WWOX: variants seen among roughly 807,000 people sequenced by gnomAD.
WWOX encodes the protein WW domain-containing oxidoreductase.
In WWOX, 69 loss-of-function variants were observed where a neutral mutation model predicts 46.2. The ratio of observed to expected loss-of-function variants is 1.49; its 90% CI spans 1.23 to 1.82. WWOX has a LOEUF of 1.82. WWOX is among the 40% of genes most tolerant of loss of function. The pLI is 0.00. For synonymous variants in WWOX, 359 were observed against 202.6 expected, an observed-to-expected ratio of 1.77 and a Z score of -6.56; for missense variants, 919 against 542.6, an observed-to-expected ratio of 1.69 and a Z score of -6.89.
intron 5 of WWOX, among the ~76,000 whole-genome samples, chr16:78,361,327 TG>T (rs1347358575): frequency 2.0e-5 from 3 of 152,342 alleles, no homozygotes; most frequent in African/African-American, 7.2e-5. Context: ...ATGTTAACCT[TG>T]ATCACTTGGT....
Position 78,914,878 on chromosome 16 carries a change from C to CA in WWOX, c.1057-296729dup, listed in dbSNP as rs1213942556. Among the ~76,000 whole-genome samples the CA allele has an allele frequency of 2.3e-3, 149 of 65,514 alleles. 1 individual carries two copies. Among genetic ancestry groups the CA allele is most frequent in the Non-Finnish European group, 2.6e-3 (95 of 36,536 alleles). 43.0% of individuals were successfully genotyped at this position (65,514 alleles called of 152,430 possible). ...CGGGTGACAGAGCGAGACTCCGCCT[C>CA]AGAAAAAAAAAAAAAAAAAAAAAAA... On this transcript the variant is annotated intron_variant, in intron 8 of 8. Coordinates refer to ENST00000566780, the MANE Select transcript of WWOX (RefSeq NM_016373.4).
intron 8 of WWOX, among the ~76,000 whole-genome samples, chr16:78,845,838 G>C (rs911144395): frequency 2.0e-5 from 3 of 152,226 alleles, no homozygotes; most frequent in Non-Finnish European, 2.9e-5. Context: ...GGAGCTGAGA[G>C]TGAATATGAG....
At chr16:79,064,032 GA>G (rs2048399774) in intron 8 of WWOX, among the ~76,000 whole-genome samples, 1 of 152,218 alleles carries the variant, frequency 6.6e-6, no homozygotes, top group East Asian at 1.9e-4. Flanking sequence ...TTGTATTTTA[GA>G]AGCCTCAGAA....
chr16:78,243,156 T>A (rs926062522), intron 5 of WWOX, among the ~76,000 whole-genome samples: 2 of 152,208 alleles, frequency 1.3e-5, no homozygotes, highest in Non-Finnish European at 2.9e-5. Context: ...CTTTGTTTTG[T>A]TTTTGAAATA....
chr16:78,434,913 C>G (rs563761784), intron 8 of WWOX, among the ~76,000 whole-genome samples: 169 of 152,214 alleles, frequency 1.1e-3, no homozygotes, highest in African/African-American at 4.0e-3. Context: ...AGAAGGAAGG[C>G]AAGTTCTGCT....
intron 5 of WWOX, among the ~76,000 whole-genome samples, chr16:78,272,294 G>T (rs530630237): frequency 6.6e-6 from 1 of 152,074 alleles, no homozygotes; most frequent in Non-Finnish European, 1.5e-5. Flanking sequence ...AGGATGACTG[G>T]GATGCTTGGC....
Position 78,300,000 on chromosome 16 carries a change from G to A in WWOX, c.517-86860G>A, listed in dbSNP as rs117694771. ...GCTTGGCCGCAGTGTTGGTTCATCTGTAACAGCTGCCTACAAGGGAATCTT... is the reference window on the plus strand; with the variant it reads ...GCTTGGCCGCAGTGTTGGTTCATCTATAACAGCTGCCTACAAGGGAATCTT... On this transcript the variant is annotated intron_variant, in intron 5 of 8. Coordinates refer to ENST00000566780, the MANE Select transcript of WWOX (RefSeq NM_016373.4). Among the ~76,000 whole-genome samples, 248 of 152,268 alleles carry A rather than the reference G, an allele frequency of 1.6e-3. 1 individual carries two copies. Among genetic ancestry groups the A allele is most frequent in the Middle Eastern group, 6.8e-3 (2 of 294 alleles).
At chr16:79,166,075 C>G (rs778600516) in intron 8 of WWOX, among the ~76,000 whole-genome samples, 1 of 152,212 alleles carries the variant, frequency 6.6e-6, no homozygotes, top group African/African-American at 2.4e-5. Flanking sequence ...GCAGCATAGA[C>G]CAGCTTTACC....
chr16:79,160,489 T>C (rs1174109961), intron 8 of WWOX, among the ~76,000 whole-genome samples: 1 of 152,196 alleles, frequency 6.6e-6, no homozygotes, highest in East Asian at 1.9e-4. Flanking sequence ...TAAGAGCCGA[T>C]CATAGGACTG....
chr16:78,878,538 A>C (rs1475481081), intron 8 of WWOX, among the ~76,000 whole-genome samples: 1 of 152,212 alleles, frequency 6.6e-6, no homozygotes, highest in Non-Finnish European at 1.5e-5. Flanking sequence ...GCACATTGGC[A>C]CTTAATAAAT....
chr16:78,582,832 T>C (rs1431820854), intron 8 of WWOX, among the ~76,000 whole-genome samples: 1 of 152,142 alleles, frequency 6.6e-6, no homozygotes, highest in Non-Finnish European at 1.5e-5. Context: ...ACCTGGTATG[T>C]CTTATGTCAG....
chr16:78,932,150 G>T lies in WWOX; in HGVS notation c.1057-279458G>T, dbSNP rs1407151743. Among the ~76,000 whole-genome samples, 3 of 152,170 alleles carry T rather than the reference G, an allele frequency of 2.0e-5. No individual in the cohort carries two copies. The East Asian group carries it at 5.8e-4, about 29-fold the overall frequency. ...ATGAGAACAAACTAATACACCACTT[G>T]AATTGCTGGTACGTCTGAGGGGCTT... On this transcript the variant is annotated intron_variant, in intron 8 of 8. Transcript: ENST00000566780.
rs1478232622 is a variant in WWOX at position 79,129,365 on chromosome 16, A to C, written c.1057-82243A>C. On this transcript the variant is annotated intron_variant, in intron 8 of 8. Coordinates refer to ENST00000566780, the MANE Select transcript of WWOX (RefSeq NM_016373.4). ...TAGTCACACACCTCTCAGTGCCTTA[A>C]AATTTGTTATGATGCAGTCTATCTC... Among the ~76,000 whole-genome samples the C allele has an allele frequency of 2.0e-5, 3 of 148,984 alleles. No homozygotes were observed. In the East Asian group the frequency reaches 5.9e-4, roughly 29 times the overall value.
chr16:78,547,053 G>A (rs2044050401), intron 8 of WWOX, among the ~76,000 whole-genome samples: 1 of 149,908 alleles, frequency 6.7e-6, no homozygotes, highest in Non-Finnish European at 1.5e-5. Context: ...GCTTGAGCCT[G>A]GGAGGTCAAA....
chr16:78,462,000 A>G (rs1012096086), intron 8 of WWOX, among the ~76,000 whole-genome samples: 3 of 152,236 alleles, frequency 2.0e-5, no homozygotes, highest in African/African-American at 7.2e-5. Flanking sequence ...TTTTGCTACA[A>G]TTAAACTCCT....
Position 78,254,502 on chromosome 16 carries a change from G to GTTTTTT in WWOX, c.516+90225_516+90230dup, listed in dbSNP as rs59706959. Among the ~76,000 whole-genome samples the GTTTTTT allele has an allele frequency of 2.2e-3, 198 of 91,642 alleles. 7 individuals are homozygous for GTTTTTT. The highest frequency in any genetic ancestry group is 0.021 in the Middle Eastern group (2 of 94). The allele number at this position is 91,642 out of a possible 152,430, so 60.1% of individuals were successfully genotyped here. On this transcript the variant is annotated intron_variant, in intron 5 of 8. Coordinates refer to ENST00000566780, the MANE Select transcript of WWOX (RefSeq NM_016373.4). ...CACTTTTCTTTTTCTTTTCTTTCTT[G>GTTTTTT]TTTTTTTTTTTTTTTTTGTTTGACA...
chr16:78,814,818 C>G (rs894888614), intron 8 of WWOX, among the ~76,000 whole-genome samples: 3 of 152,222 alleles, frequency 2.0e-5, no homozygotes, highest in South Asian at 2.1e-4. Context: ...GTTGTCCCCA[C>G]TAGTCCTGTC....
In WWOX at chr16:78,367,402, TA is replaced by T. The variant is rs1233330520; in HGVS notation, c.517-19457del. Among the ~76,000 whole-genome samples the T allele has an allele frequency of 1.8e-4, 9 of 51,084 alleles. No individual in the cohort carries two copies. The East Asian group carries it at 2.8e-3, about 16-fold the overall frequency. 33.5% of individuals were successfully genotyped at this position (51,084 alleles called of 152,430 possible). A position where few individuals can be genotyped will look rare whatever the true frequency, so the allele number is the denominator to read the frequency against. On this transcript the variant is annotated intron_variant, in intron 5 of 8. Transcript: ENST00000566780. ...TAAACTTGCTTAAAACATGATGAGA[TA>T]TTTTTTGCCATTTTTTTTTCAACTC...
intron 6 of WWOX, among the ~76,000 whole-genome samples, chr16:78,423,026 C>T (rs1180397612): frequency 7.9e-5 from 12 of 151,814 alleles, no homozygotes; most frequent in Admixed American, 6.6e-4. Flanking sequence ...GCTGGGATTA[C>T]AGGCGTGTGC....
Sources: gnomAD v4.1 joint callset for allele counts (sites outside exome capture counted in the v4.1 genomes callset) on GRCh38, gnomAD v4.1.1 for gene constraint, MANE v1.5 for transcripts, NCBI Gene and HGNC (gene_info 2026-07-23, HGNC 2026-07-21) for gene names.